The following RETREG3 variants were observed in gnomAD, a reference collection of about 807,000 sequenced individuals.
The protein encoded by RETREG3 is reticulophagy regulator 3.
In RETREG3, 23 loss-of-function variants were observed where a neutral mutation model predicts 50.2. The ratio of observed to expected loss-of-function variants is 0.46; its 90% CI spans 0.33 to 0.65. The LOEUF is 0.65. RETREG3 is among the 30% of genes least tolerant of loss of function. The pLI, the probability that RETREG3 is intolerant of heterozygous loss-of-function variation, is 0.02. For missense variants in RETREG3, 546 were observed against 598.0 expected (o/e 0.91, Z 0.91); for synonymous variants, 240 against 234.4 (o/e 1.02, Z -0.22).
At chr17:42,587,011 G>T in intron 3 of RETREG3, 120 bp from the exon 4 acceptor site, 2 of 1,333,138 alleles carry the variant, frequency 1.5e-6, no homozygotes, top group Non-Finnish European at 2.1e-6. Context: ...AGGCCCAGGT[G>T]CTTTGGAGGT....
At chr17:42,592,014 G>C (rs1597736399) in intron 2 of RETREG3, 42 bp downstream of exon 2, 1 of 1,509,434 alleles carries the variant, frequency 6.6e-7, no homozygotes, top group African/African-American at 1.4e-5. Flanking sequence ...TATAGGAAAG[G>C]CCATCTTCAG....
chr17:42,607,499 CAAAAAAAAAAA>C (rs34542887), intron 1 of RETREG3, among the ~76,000 whole-genome samples: 1 of 46,938 alleles, frequency 2.1e-5, no homozygotes, highest in African/African-American at 1.0e-4. Context: ...GACCTTGTCT[CAAAAAAAAAAA>C]AAAAAAAAAA....
chr17:42,581,770 A>G lies in RETREG3; in HGVS notation c.*43T>C, dbSNP rs907207069. 15 of 1,508,192 alleles carry G rather than the reference A, an allele frequency of 9.9e-6. No homozygotes were observed. In the African/African-American group the frequency reaches 1.8e-4, roughly 18 times the overall value. The allele number at this position is 1,508,192 out of a possible 1,614,324, so 93.4% of individuals were successfully genotyped here. On this transcript the variant is annotated 3_prime_UTR_variant, in exon 9 of 9. Transcript: ENST00000309428. ...CCATCACCTTAAGTGGGATGGGGAG[A>G]AAAAAACCTAAACCACAGTGACTCC...
intron 6 of RETREG3, among the ~76,000 whole-genome samples, chr17:42,584,815 C>CAAAAAAA (rs71157643): frequency 7.3e-5 from 6 of 82,592 alleles, no homozygotes; most frequent in South Asian, 4.8e-4. Flanking sequence ...GACCCTGTCT[C>CAAAAAAA]AAAAAAAAAA....
At chr17:42,582,561 G>T in intron 8 of RETREG3, 113 bp downstream of exon 8, 1 of 1,495,808 alleles carries the variant, frequency 6.7e-7, no homozygotes, top group Non-Finnish European at 9.1e-7. Flanking sequence ...TCTGCCGCCT[G>T]ATCCATAGCT....
intron 1 of RETREG3, among the ~76,000 whole-genome samples, chr17:42,597,034 G>A (rs2093146572): frequency 6.6e-6 from 1 of 151,452 alleles, no homozygotes. Context: ...ACCATGCCCA[G>A]CTAATTTTTA....
intron 1 of RETREG3, among the ~76,000 whole-genome samples, 197 bp from the exon 2 acceptor site, chr17:42,592,359 G>T (rs899262983): frequency 4.6e-5 from 7 of 152,166 alleles, no homozygotes; most frequent in Admixed American, 2.6e-4. Flanking sequence ...ATGGGGCAGA[G>T]AAAATAATTT....
chr17:42,592,512 T>A (rs1032476564), intron 1 of RETREG3, among the ~76,000 whole-genome samples: 1 of 152,186 alleles, frequency 6.6e-6, no homozygotes, highest in Admixed American at 6.5e-5. Flanking sequence ...TCTACCAAAT[T>A]AGACCCTAGT....
intron 1 of RETREG3, among the ~76,000 whole-genome samples, chr17:42,595,672 T>C (rs1204392879): frequency 1.3e-5 from 2 of 148,314 alleles, no homozygotes; most frequent in African/African-American, 2.5e-5. Context: ...CTTTCTTTTT[T>C]TTTTTTTTTT....
chr17:42,602,549 A>G (rs1040898986), intron 1 of RETREG3, among the ~76,000 whole-genome samples: 8 of 152,190 alleles, frequency 5.3e-5, no homozygotes, highest in Non-Finnish European at 8.8e-5. Context: ...GGCTTAAAAT[A>G]TGTTACCAAA....
In RETREG3 at chr17:42,609,125, C is replaced by T; in HGVS notation, c.200G>A (p.Arg67Lys). ...CAGCCCCAGGCACCACAGAGCGCTC[C>T]TAGCTGGCCGCTCCCACACCAGGGC... Reference protein sequence around the residue: ...QAALVWERPARSALWCLGLNA... With the variant: ...QAALVWERPAKSALWCLGLNA... Residue 67 changes from arginine to lysine, a missense_variant, in exon 1 of 9, where the codon AGG becomes AAG. Coordinates refer to ENST00000309428, the MANE Select transcript of RETREG3 (RefSeq NM_178126.4). 1.2e-6 allele frequency: 2 copies of T among 1,608,918 alleles called. No individual in the cohort carries two copies. The highest frequency in any genetic ancestry group is 2.2e-5 in the South Asian group (2 of 91,012).
chr17:42,597,766 G>T (rs1426205974), intron 1 of RETREG3, among the ~76,000 whole-genome samples: 1 of 148,234 alleles, frequency 6.7e-6, no homozygotes, highest in Admixed American at 6.8e-5. Flanking sequence ...GAGTAGCTGG[G>T]GTTAAGGTGT....
intron 1 of RETREG3, among the ~76,000 whole-genome samples, chr17:42,601,294 C>G (rs1046788971): frequency 6.8e-6 from 1 of 147,000 alleles, no homozygotes; most frequent in African/African-American, 2.5e-5. Context: ...ATAAAATAAA[C>G]TAAGACGGTG....
chr17:42,593,214 A>G (rs1326091780), intron 1 of RETREG3, among the ~76,000 whole-genome samples: 1 of 152,230 alleles, frequency 6.6e-6, no homozygotes, highest in Non-Finnish European at 1.5e-5. Context: ...GCAGCATATT[A>G]AAAGTATTAT....
In RETREG3 at chr17:42,586,784, T is replaced by G; in HGVS notation, c.485A>C (p.Lys162Thr). 1 of 1,614,150 alleles carries G rather than the reference T, an allele frequency of 6.2e-7. No homozygotes were observed. The highest frequency in any genetic ancestry group is 8.5e-7 in the Non-Finnish European group (1 of 1,179,988). Residue 162 changes from lysine to threonine, a missense_variant, in exon 4 of 9, where the codon AAA (lysine) becomes ACA (threonine). Lys to Thr is a moderately conservative substitution (Grantham distance 78, BLOSUM62 -1). Coordinates refer to ENST00000309428, the MANE Select transcript of RETREG3 (RefSeq NM_178126.4). Reference protein sequence around the residue: ...TIFIRNVLLFKKQNPGKFCLL... With the variant: ...TIFIRNVLLFTKQNPGKFCLL... ...TCTTACCTTGCCTGGGTTTTGCTTT[T>G]TGAAAAGCAAAACATTCCTTATGAA...
rs1344002510 is a variant in RETREG3, at chr17:42,580,424, A to AT, written c.*1388_*1389insA. 1 of 152,758 alleles carries AT rather than the reference A, an allele frequency of 6.5e-6. No individual in the cohort carries two copies. Among genetic ancestry groups the AT allele is most frequent in the Non-Finnish European group, 1.5e-5 (1 of 68,060 alleles). 9.5% of individuals were successfully genotyped at this position (152,758 alleles called of 1,614,324 possible). ...GCAGAGGAAGGAACAGGAACATAGA[A>AT]ATGAGTATGGTATTGCTTTGCTCAC... On this transcript the variant is annotated 3_prime_UTR_variant, in exon 9 of 9. Coordinates refer to ENST00000309428, the MANE Select transcript of RETREG3 (RefSeq NM_178126.4).
chr17:42,596,491 C>T (rs576866412), intron 1 of RETREG3: 3 of 149,814 alleles, frequency 2.0e-5, no homozygotes, highest in African/African-American at 4.9e-5. Context: ...CAGGACTAAA[C>T]GAATGCAGAG....
At chr17:42,582,623 A>G (rs1189504995) in intron 8 of RETREG3, 51 bp downstream of exon 8, 2 of 1,609,722 alleles carry the variant, frequency 1.2e-6, no homozygotes, top group Admixed American at 3.3e-5. Context: ...CAGGGAAGCT[A>G]AGAGGCAACA....
chr17:42,600,976 C>CA (rs1013987210), intron 1 of RETREG3, among the ~76,000 whole-genome samples: 5 of 151,518 alleles, frequency 3.3e-5, no homozygotes, highest in Admixed American at 6.6e-5. Context: ...AACCTTCTCT[C>CA]AAAAAAAACA....
Sources: gnomAD v4.1 joint callset for allele counts (sites outside exome capture counted in the v4.1 genomes callset) on GRCh38, gnomAD v4.1.1 for gene constraint, MANE v1.5 for transcripts, NCBI Gene and HGNC (gene_info 2026-07-23, HGNC 2026-07-21) for gene names.